MSR1: variants seen among roughly 807,000 people sequenced by gnomAD.
The protein encoded by MSR1 is macrophage scavenger receptor types I and II.
MSR1 carries 53 observed loss-of-function variants against 47.2 expected under a neutral mutation model. The observed-to-expected ratio is 1.12, with a 90% CI of 0.90 to 1.41. MSR1 has a LOEUF of 1.41. Among genes scored for constraint, MSR1 ranks in the 40% most tolerant of loss-of-function variants. MSR1 has a pLI of 0.00. For missense variants in MSR1, 786 were observed against 546.9 expected (o/e 1.44, Z -4.36); for synonymous variants, 239 against 185.6 (o/e 1.29, Z -2.34).
chr8:16,118,331 T>C (rs540425162), intron 9 of MSR1, among the ~76,000 whole-genome samples: 2 of 152,308 alleles, frequency 1.3e-5, no homozygotes, highest in African/African-American at 2.4e-5. Context: ...GTCCCCTTCA[T>C]AGATGGTAAC....
intron 9 of MSR1, 63 bp from the exon 10 acceptor site, chr8:16,110,281 G>A: frequency 1.3e-6 from 2 of 1,565,642 alleles, no homozygotes; most frequent in Non-Finnish European, 1.8e-6. Context: ...TTTGAGTGGG[G>A]CAAAGCCATT....
At chr8:16,137,584 C>A (rs1362145410) in intron 8 of MSR1, among the ~76,000 whole-genome samples, 1 of 152,048 alleles carries the variant, frequency 6.6e-6, no homozygotes, top group Non-Finnish European at 1.5e-5. Flanking sequence ...AAAGACCTGG[C>A]TTTGAGTTTC....
chr8:16,167,314 C>T (rs1049264244), intron 4 of MSR1, among the ~76,000 whole-genome samples: 2 of 152,070 alleles, frequency 1.3e-5, no homozygotes, highest in East Asian at 1.9e-4. Context: ...GAGGCCAAGA[C>T]GGGCAGATCA....
At chr8:16,140,954 C>A in intron 8 of MSR1, 2 of 1,613,832 alleles carry the variant, frequency 1.2e-6, no homozygotes, top group African/African-American at 1.3e-5. Flanking sequence ...GGTGAAGGGC[C>A]TTTTAATGAG....
chr8:16,174,360 AGAG>A (rs1240419683), intron 3 of MSR1, among the ~76,000 whole-genome samples: 2 of 152,190 alleles, frequency 1.3e-5, no homozygotes, highest in African/African-American at 4.8e-5. Flanking sequence ...CATATAGAGA[AGAG>A]GAGAGCTATA....
intron 4 of MSR1, among the ~76,000 whole-genome samples, chr8:16,167,823 C>T (rs557629564): frequency 2.1e-4 from 32 of 152,236 alleles, no homozygotes; most frequent in African/African-American, 7.2e-4. Flanking sequence ...CTTCTTTGTA[C>T]ACTTTCTCTA....
At chr8:16,182,255 C>G (rs893456895) in intron 1 of MSR1, among the ~76,000 whole-genome samples, 1 of 152,202 alleles carries the variant, frequency 6.6e-6, no homozygotes, top group African/African-American at 2.4e-5. Flanking sequence ...CTGTACAGGG[C>G]AATTGGATAA....
intron 2 of MSR1, among the ~76,000 whole-genome samples, chr8:16,176,811 T>C (rs747849878): frequency 9.9e-5 from 15 of 152,172 alleles, no homozygotes; most frequent in Admixed American, 9.2e-4. Flanking sequence ...TTCTTACATG[T>C]GTCTCACTTG....
At chr8:16,177,793 T>A (rs414580) in intron 2 of MSR1, 93 bp downstream of exon 2, 178,969 of 970,344 alleles carry the variant, frequency 0.18, 24,051 homozygotes, top group East Asian at 0.56. Flanking sequence ...TAACATCCAC[T>A]TACATTTAAG....
At chr8:16,131,193 G>T (rs7837750) in intron 8 of MSR1, among the ~76,000 whole-genome samples, 16,893 of 152,084 alleles carry the variant, frequency 0.11, 1,195 homozygotes, top group Non-Finnish European at 0.16. Flanking sequence ...CAGGTGTGAG[G>T]TGGTATCTCA....
At chr8:16,165,389 C>T (rs1196679156) in intron 4 of MSR1, among the ~76,000 whole-genome samples, 23 of 152,052 alleles carry the variant, frequency 1.5e-4, no homozygotes, top group Admixed American at 1.5e-3. Flanking sequence ...AGTATCCAGT[C>T]ATTAAATTTC....
intron 8 of MSR1, 154 bp from the exon 9 acceptor site, chr8:16,120,760 A>T: frequency 1.0e-6 from 1 of 955,088 alleles, no homozygotes; most frequent in Non-Finnish European, 1.5e-6. Context: ...TAAACTTTCT[A>T]GCACCACCTA....
chr8:16,111,825 T>C (rs1751759727), intron 9 of MSR1, among the ~76,000 whole-genome samples: 1 of 152,162 alleles, frequency 6.6e-6, no homozygotes, highest in Non-Finnish European at 1.5e-5. Flanking sequence ...TTGAGGAAAC[T>C]GAAAATCAGC....
At chr8:16,182,413 T>C (rs386310) in intron 1 of MSR1, among the ~76,000 whole-genome samples, 33,431 of 152,038 alleles carry the variant, frequency 0.22, 4,815 homozygotes, top group East Asian at 0.53. Flanking sequence ...TAAATTAGCC[T>C]TAGTTTACAG....
In MSR1 at chr8:16,139,958, A is replaced by T. The variant is rs148621503; in HGVS notation, c.1033+3600T>A. 2.4e-3 allele frequency: 1,009 copies of T among 413,574 alleles called. 2 individuals carry two copies. The highest frequency in any genetic ancestry group is 3.0e-3 in the Non-Finnish European group (930 of 308,386). 25.6% of individuals were successfully genotyped at this position (413,574 alleles called of 1,614,324 possible). ...CTGTTCCTCCCCCAGTATAGCTTAG[A>T]TGTATTGTAATTGCTTGTTCATTTG... On this transcript the variant is annotated intron_variant, in intron 8 of 9. Transcript: ENST00000262101.
At chr8:16,178,194 C>T (rs745355301) in intron 1 of MSR1, among the ~76,000 whole-genome samples, 2 of 151,500 alleles carry the variant, frequency 1.3e-5, no homozygotes, top group Admixed American at 6.6e-5. Flanking sequence ...TGTTGGTGTG[C>T]TGCACCCACA....
Position 16,140,935 on chromosome 8 carries a change from T to C in MSR1, c.1033+2623A>G, listed in dbSNP as rs879181757. 5 of 1,613,160 alleles carry C rather than the reference T, an allele frequency of 3.1e-6. No homozygotes were observed. In the South Asian group the frequency reaches 5.5e-5, roughly 18 times the overall value. ...CTTGGAAGTCAGTTGTGCAGATGAC[T>C]TGTCCAGAGGTGAAGGGCCTTTTAA... On this transcript the variant is annotated intron_variant, in intron 8 of 9. Transcript: ENST00000262101.
chr8:16,166,052 T>C (rs1362216691), intron 4 of MSR1, among the ~76,000 whole-genome samples: 1 of 152,118 alleles, frequency 6.6e-6, no homozygotes, highest in East Asian at 1.9e-4. Flanking sequence ...GTCGGGTAGT[T>C]CCAGACATTC....
At chr8:16,111,904 C>T (rs976441024) in intron 9 of MSR1, among the ~76,000 whole-genome samples, 9 of 152,162 alleles carry the variant, frequency 5.9e-5, no homozygotes, top group African/African-American at 1.9e-4. Flanking sequence ...TGAGCCACTG[C>T]CTTAAATCAA....
Sources: gnomAD v4.1 joint callset for allele counts (sites outside exome capture counted in the v4.1 genomes callset) on GRCh38, gnomAD v4.1.1 for gene constraint, MANE v1.5 for transcripts, NCBI Gene and HGNC (gene_info 2026-07-23, HGNC 2026-07-21) for gene names.